Variants in DDAH1 observed in about 807,000 individuals in gnomAD.
DDAH1 encodes dimethylarginine dimethylaminohydrolase 1.
In DDAH1, 19 loss-of-function variants were observed where a neutral mutation model predicts 28.8. The ratio of observed to expected loss-of-function variants is 0.66; its 90% CI spans 0.46 to 0.97. DDAH1 has a LOEUF of 0.97. Among genes scored for constraint, DDAH1 ranks in the 50% least tolerant of loss-of-function variants. DDAH1 has a pLI of 0.00. For missense variants in DDAH1, 326 were observed against 375.9 expected, an observed-to-expected ratio of 0.87 and a Z score of 1.10; for synonymous variants, 153 against 154.4, an observed-to-expected ratio of 0.99 and a Z score of 0.07.
intron 1 of DDAH1, among the ~76,000 whole-genome samples, chr1:85,523,873 A>G (rs1246724692): frequency 2.0e-5 from 3 of 152,144 alleles, no homozygotes; most frequent in African/African-American, 7.2e-5. Flanking sequence ...GATATTAGGA[A>G]AGTTAACTCT....
chr1:85,382,018 A>G (rs902129023), intron 1 of DDAH1, among the ~76,000 whole-genome samples: 2 of 152,196 alleles, frequency 1.3e-5, no homozygotes, highest in African/African-American at 4.8e-5. Flanking sequence ...ATGGCCTCCA[A>G]GTGTTCAAGT....
intron 1 of DDAH1, among the ~76,000 whole-genome samples, chr1:85,539,249 C>T (rs1187225773): frequency 1.3e-5 from 2 of 152,018 alleles, no homozygotes; most frequent in African/African-American, 2.4e-5. Context: ...AGGGTTCAAA[C>T]GATTCTCCTG....
intron 2 of DDAH1, chr1:85,495,233 A>G (rs1656548199): frequency 6.6e-6 from 1 of 151,214 alleles, no homozygotes; most frequent in South Asian, 2.1e-4. Flanking sequence ...CTTTCAAGGA[A>G]TTTACAATCT....
chr1:85,451,919 C>T (rs189787449), intron 1 of DDAH1, among the ~76,000 whole-genome samples: 1 of 152,120 alleles, frequency 6.6e-6, no homozygotes, highest in Non-Finnish European at 1.5e-5. Flanking sequence ...GCTATAATAT[C>T]ACAACATTAT....
chr1:85,561,561 G>A (rs1335238054), intron 1 of DDAH1, among the ~76,000 whole-genome samples: 1 of 152,010 alleles, frequency 6.6e-6, no homozygotes, highest in African/African-American at 2.4e-5. Flanking sequence ...ATATCCTACT[G>A]TGATCTCTTA....
chr1:85,377,129 C>T (rs902626348), intron 1 of DDAH1, among the ~76,000 whole-genome samples: 9 of 152,082 alleles, frequency 5.9e-5, no homozygotes, highest in African/African-American at 2.2e-4. Flanking sequence ...GCTCAGGTGA[C>T]CAACTCCCAG....
At chr1:85,563,392 G>C (rs1333176257) in intron 1 of DDAH1, among the ~76,000 whole-genome samples, 1 of 152,196 alleles carries the variant, frequency 6.6e-6, no homozygotes, top group Non-Finnish European at 1.5e-5. Flanking sequence ...GTTCTCAGCA[G>C]CCAGAGTGGA....
chr1:85,432,063 C>T (rs180775301), intron 1 of DDAH1, among the ~76,000 whole-genome samples: 3 of 152,294 alleles, frequency 2.0e-5, no homozygotes, highest in East Asian at 1.9e-4. Context: ...TCAGGAAACA[C>T]GTGGTAACTT....
chr1:85,564,687 G>A (rs1557765581), intron 1 of DDAH1, among the ~76,000 whole-genome samples: 1 of 152,092 alleles, frequency 6.6e-6, no homozygotes, highest in East Asian at 1.9e-4. Flanking sequence ...GGTCAACATG[G>A]TGAAACCCCA....
intron 4 of DDAH1, among the ~76,000 whole-genome samples, chr1:85,347,863 A>G (rs1648967214): frequency 6.6e-6 from 1 of 152,190 alleles, no homozygotes; most frequent in South Asian, 2.1e-4. Context: ...GAGTTCATGC[A>G]AACCTGAGTT....
chr1:85,490,494 C>T (rs1463417040), intron 2 of DDAH1, among the ~76,000 whole-genome samples: 1 of 152,164 alleles, frequency 6.6e-6, no homozygotes, highest in East Asian at 1.9e-4. Context: ...TAAATAAACC[C>T]AGCAAAGCCA....
chr1:85,419,860 G>A (rs574020041), intron 1 of DDAH1, among the ~76,000 whole-genome samples: 2 of 152,268 alleles, frequency 1.3e-5, no homozygotes, highest in South Asian at 4.1e-4. Flanking sequence ...GAGTTTTCAG[G>A]AGAGCTGATT....
chr1:85,368,141 G>A (rs1650171886), intron 1 of DDAH1, among the ~76,000 whole-genome samples: 1 of 152,110 alleles, frequency 6.6e-6, no homozygotes, highest in Admixed American at 6.5e-5. Flanking sequence ...GCCTATAGAA[G>A]ACAGTAGATT....
chr1:85,494,205 A>G (rs1244446746), intron 2 of DDAH1: 1 of 152,108 alleles, frequency 6.6e-6, no homozygotes, highest in African/African-American at 2.4e-5. Flanking sequence ...TATCACACAT[A>G]TAAAGTAGTG....
intron 4 of DDAH1, among the ~76,000 whole-genome samples, chr1:85,331,438 T>TATATATATATAA (rs982748814): frequency 6.6e-6 from 1 of 151,284 alleles, no homozygotes; most frequent in Non-Finnish European, 1.5e-5. Context: ...TATATATATA[T>TATATATATATAA]AACATAATGT....
At chr1:85,551,289 C>T (rs1208227634) in intron 1 of DDAH1, among the ~76,000 whole-genome samples, 2 of 152,168 alleles carry the variant, frequency 1.3e-5, no homozygotes, top group African/African-American at 2.4e-5. Context: ...CATGATACCT[C>T]TGGGAAACGG....
chr1:85,408,464 A>C (rs1258702573), intron 1 of DDAH1, among the ~76,000 whole-genome samples: 1 of 152,198 alleles, frequency 6.6e-6, no homozygotes, highest in Non-Finnish European at 1.5e-5. Context: ...TTTGATTTAC[A>C]TGTTTTCCCT....
At chr1:85,499,666 CA>C (rs56378574) in intron 1 of DDAH1, among the ~76,000 whole-genome samples, 156 of 134,872 alleles carry the variant, frequency 1.2e-3, no homozygotes, top group African/African-American at 1.6e-3. Context: ...GACTCCATCT[CA>C]AAAAAAAAAA....
chr1:85,431,923 A>AGGCACCC (rs1653704436), intron 1 of DDAH1, among the ~76,000 whole-genome samples: 3 of 152,202 alleles, frequency 2.0e-5, no homozygotes, highest in Admixed American at 1.3e-4. Flanking sequence ...AATTTCCCAC[A>AGGCACCC]ACCTCAGGCA....
Sources: allele counts gnomAD v4.1 joint callset (sites outside exome capture counted in the v4.1 genomes callset), GRCh38; gene constraint gnomAD v4.1.1; transcripts MANE v1.5; gene names NCBI Gene and HGNC (gene_info 2026-07-23, HGNC 2026-07-21).